Variants in PHLDB2 observed in about 807,000 individuals in gnomAD.
PHLDB2 encodes the protein pleckstrin homology-like domain family B member 2.
In PHLDB2, 71 loss-of-function variants were observed where a neutral mutation model predicts 123.6. The observed-to-expected ratio is 0.57, with a 90% CI of 0.47 to 0.70. The LOEUF is 0.70. PHLDB2 is among the 30% of genes least tolerant of loss of function. PHLDB2 has a pLI of 0.00. For synonymous variants in PHLDB2, 547 were observed against 541.6 expected (o/e 1.01, Z -0.14); for missense variants, 1,446 against 1,519.5 (o/e 0.95, Z 0.80).
intron 1 of PHLDB2, among the ~76,000 whole-genome samples, chr3:111,792,664 G>A (rs747252976): frequency 2.0e-5 from 3 of 152,166 alleles, no homozygotes; most frequent in Middle Eastern, 3.4e-3. Flanking sequence ...CCCTGATCAC[G>A]CCACTACACT....
At chr3:111,733,982 G>A (rs1941596633) in intron 1 of PHLDB2, among the ~76,000 whole-genome samples, 1 of 152,166 alleles carries the variant, frequency 6.6e-6, no homozygotes, top group Admixed American at 6.5e-5. Flanking sequence ...TTGTCAATCA[G>A]TTGTGGAACT....
At chr3:111,886,687 C>T (rs73852725) in intron 2 of PHLDB2, among the ~76,000 whole-genome samples, 107 of 152,272 alleles carry the variant, frequency 7.0e-4, no homozygotes, top group African/African-American at 2.4e-3. Flanking sequence ...TTCAAATACC[C>T]TAACTGACAA....
chr3:111,849,664 C>A lies in PHLDB2; in HGVS notation c.67+3729C>A, dbSNP rs1454063210. ...TAACTCAGAAATTCTTAGTTCTTGT[C>A]ATTATACAAAATAGACACTTGCACA... On this transcript the variant is annotated intron_variant, in intron 2 of 17. Coordinates refer to the PHLDB2 transcript ENST00000393923. Among the ~76,000 whole-genome samples, 6 of 152,080 alleles carry A rather than the reference C, an allele frequency of 3.9e-5. No individual in the cohort carries two copies. In the East Asian group the frequency reaches 1.2e-3, roughly 29 times the overall value.
intron 1 of PHLDB2, among the ~76,000 whole-genome samples, chr3:111,798,102 C>T (rs901955668): frequency 2.0e-5 from 3 of 151,982 alleles, no homozygotes; most frequent in Admixed American, 1.3e-4. Flanking sequence ...CCACTGCACT[C>T]CATCCTGGGT....
chr3:111,936,733 T>C (rs2069514590), intron 6 of PHLDB2, among the ~76,000 whole-genome samples: 1 of 152,216 alleles, frequency 6.6e-6, no homozygotes, highest in Non-Finnish European at 1.5e-5. Context: ...GCAAAGTGTA[T>C]ATATTCTGAG....
chr3:111,965,811 G>A (rs907881739), intron 13 of PHLDB2, among the ~76,000 whole-genome samples: 1 of 152,160 alleles, frequency 6.6e-6, no homozygotes, highest in Admixed American at 6.5e-5. Flanking sequence ...GTAAGCGGTG[G>A]AAAATAAAAT....
At chr3:111,765,517 G>A (rs2060063869) in intron 1 of PHLDB2, among the ~76,000 whole-genome samples, 1 of 152,190 alleles carries the variant, frequency 6.6e-6, no homozygotes, top group Non-Finnish European at 1.5e-5. Context: ...AAGCATCCAG[G>A]AAAGATAATC....
At chr3:111,922,363 G>C (rs1190913929) in intron 5 of PHLDB2, among the ~76,000 whole-genome samples, 1 of 152,182 alleles carries the variant, frequency 6.6e-6, no homozygotes, top group African/African-American at 2.4e-5. Context: ...ATGTTTTCAA[G>C]GTGGAATTCT....
intron 2 of PHLDB2, among the ~76,000 whole-genome samples, chr3:111,909,530 G>T (rs555784482): frequency 1.3e-5 from 2 of 152,126 alleles, no homozygotes; most frequent in Non-Finnish European, 2.9e-5. Context: ...CCAGGAGATC[G>T]AGGCTTGCAG....
intron 16 of PHLDB2, 92 bp downstream of exon 16, chr3:111,970,001 G>A (rs2072059120): frequency 1.7e-6 from 2 of 1,176,608 alleles, no homozygotes; most frequent in Non-Finnish European, 2.5e-6. Flanking sequence ...AAATAGGTAG[G>A]TTGATACATA....
In PHLDB2 at chr3:111,770,973, G is replaced by T. The variant is rs989180006; in HGVS notation, c.-49+38270G>T. 3.9e-5 allele frequency among the ~76,000 whole-genome samples: 5 copies of T among 128,022 alleles called. No individual in the cohort carries two copies. In the East Asian group the frequency reaches 1.2e-3, roughly 31 times the overall value. 84.0% of individuals were successfully genotyped at this position (128,022 alleles called of 152,430 possible). Reference sequence around the variant, plus strand: ...GAGGCAGCTTGAGGAGAGATGTGGAGCCCAGCCGCCTCATGGCATGCAGGG... The same window carrying T: ...GAGGCAGCTTGAGGAGAGATGTGGATCCCAGCCGCCTCATGGCATGCAGGG... On this transcript the variant is annotated intron_variant, in intron 1 of 17. Transcript: ENST00000393923.
intron 12 of PHLDB2, among the ~76,000 whole-genome samples, chr3:111,961,544 AAGAG>A (rs774701278): frequency 2.6e-5 from 4 of 152,004 alleles, no homozygotes; most frequent in Non-Finnish European, 4.4e-5. Context: ...ACAACTGAAA[AAGAG>A]AGAGAGAGAA....
At chr3:111,955,895 T>C (rs1182173386) in intron 12 of PHLDB2, among the ~76,000 whole-genome samples, 1 of 152,208 alleles carries the variant, frequency 6.6e-6, no homozygotes, top group East Asian at 1.9e-4. Flanking sequence ...CAAATTACTA[T>C]ACTCCATGTT....
At chr3:111,940,458 C>T (rs2069796267) in intron 7 of PHLDB2, 77 bp from the exon 8 acceptor site, 2 of 760,930 alleles carry the variant, frequency 2.6e-6, no homozygotes, top group Non-Finnish European at 2.1e-6. Flanking sequence ...AAATTTTTTT[C>T]TCCCTTTTCT....
intron 13 of PHLDB2, 138 bp from the exon 14 acceptor site, chr3:111,966,475 T>C: frequency 6.2e-6 from 3 of 485,238 alleles, no homozygotes; most frequent in Non-Finnish European, 1.1e-5. Context: ...TATGCTTGGA[T>C]TTTGTTATGC....
At chr3:111,826,976 C>T (rs2062683733) in intron 1 of PHLDB2, among the ~76,000 whole-genome samples, 1 of 152,186 alleles carries the variant, frequency 6.6e-6, no homozygotes, top group South Asian at 2.1e-4. Flanking sequence ...TTATTGAGTT[C>T]TTGCTATGAA....
chr3:111,972,968 G>C (rs1024091815), intron 16 of PHLDB2, among the ~76,000 whole-genome samples: 1 of 152,080 alleles, frequency 6.6e-6, no homozygotes. Context: ...CACTACTAGG[G>C]TATGATAGAG....
At chr3:111,922,724 T>C (rs1163398211) in intron 5 of PHLDB2, among the ~76,000 whole-genome samples, 2 of 152,214 alleles carry the variant, frequency 1.3e-5, no homozygotes, top group African/African-American at 4.8e-5. Flanking sequence ...ATTATTATGT[T>C]TCTCAAATAA....
chr3:111,780,510 G>A (rs2060430994), intron 1 of PHLDB2, among the ~76,000 whole-genome samples: 1 of 151,536 alleles, frequency 6.6e-6, no homozygotes, highest in Non-Finnish European at 1.5e-5. Flanking sequence ...CCAGTGCCAT[G>A]CTCTTAGACT....
Sources: allele counts gnomAD v4.1 joint callset (sites outside exome capture counted in the v4.1 genomes callset), GRCh38; gene constraint gnomAD v4.1.1; transcripts MANE v1.5; gene names NCBI Gene and HGNC (gene_info 2026-07-23, HGNC 2026-07-21).